Variants in DDX47 observed in about 807,000 individuals in gnomAD.
The protein encoded by DDX47 is DEAD-box helicase 47.
DDX47 carries 60 observed loss-of-function variants against 58.8 expected under a neutral mutation model. The observed-to-expected ratio is 1.02, with a 90% CI of 0.83 to 1.26. The LOEUF is 1.26. DDX47 is among the 50% of genes most tolerant of loss of function. DDX47 has a pLI of 0.00. For missense variants in DDX47, 530 were observed against 573.2 expected, an observed-to-expected ratio of 0.92 and a Z score of 0.77; for synonymous variants, 197 against 204.6, an observed-to-expected ratio of 0.96 and a Z score of 0.32.
At chr12:12,822,815 T>C in intron 6 of DDX47, 83 bp downstream of exon 6, 1 of 1,249,954 alleles carries the variant, frequency 8.0e-7, no homozygotes, top group South Asian at 1.2e-5. Context: ...GAAAAATAAA[T>C]TGCTTTAGTC....
chr12:12,816,239 A>G (rs570737387), intron 2 of DDX47, among the ~76,000 whole-genome samples: 58 of 152,304 alleles, frequency 3.8e-4, no homozygotes, highest in African/African-American at 1.3e-3. Flanking sequence ...TGCTCAGGGT[A>G]CGGTTTCAGT....
At chr12:12,817,176 G>A (rs1026966334) in intron 2 of DDX47, among the ~76,000 whole-genome samples, 3 of 152,126 alleles carry the variant, frequency 2.0e-5, no homozygotes, top group African/African-American at 4.8e-5. Context: ...GACTACTGAC[G>A]TTTTCAGTTT....
In DDX47 at chr12:12,823,270, C is replaced by G. The variant is rs1175554486; in HGVS notation, c.701C>G (p.Thr234Arg). The change falls in exon 7 of 12, where the codon ACA becomes AGA. Residue 234 changes from threonine (T) to arginine (R), a missense_variant. Coordinates refer to ENST00000358007, the MANE Select transcript of DDX47 (RefSeq NM_016355.4). ...TGTGCCGTTTCCTCTAAATACCAGA[C>G]AGTTGAAAAATTACAGCAATATTAT... ...VKCAVSSKYQ[T>R]VEKLQQYYIF... is the part of the protein sequence containing the mutation. 4.3e-6 allele frequency: 7 copies of G among 1,613,132 alleles called. No homozygotes were observed. Among genetic ancestry groups the G allele is most frequent in the Non-Finnish European group, 1.7e-6 (2 of 1,179,206 alleles).
chr12:12,828,643 T>C (rs990540758), intron 11 of DDX47, among the ~76,000 whole-genome samples: 1 of 152,184 alleles, frequency 6.6e-6, no homozygotes, highest in African/African-American at 2.4e-5. Flanking sequence ...ATTTGGTTTT[T>C]ATTCTGTCCA....
chr12:12,823,132 C>A, intron 6 of DDX47, 71 bp from the exon 7 acceptor site: 1 of 1,014,406 alleles, frequency 9.9e-7, no homozygotes, highest in Non-Finnish European at 1.6e-6. Context: ...GGTGAGGACA[C>A]AGAGCCAAAC....
intron 2 of DDX47, among the ~76,000 whole-genome samples, chr12:12,819,844 C>G (rs1862944235): frequency 1.3e-5 from 2 of 152,178 alleles, no homozygotes; most frequent in South Asian, 4.1e-4. Flanking sequence ...CATTCCTGTG[C>G]TCATTCCTGG....
Position 12,826,041 on chromosome 12 carries a change from C to T in DDX47, c.1077C>T (p.Arg359=). ...TAGGTCGAACAGCTAGAGCTGGGCG[C>T]TCCGGAAAGGCTATTACTTTTGTCA... is the stretch of plus-strand genomic sequence containing the variant. ...HRVGRTARAG[R]SGKAITFVTQ... Residue 359 remains arginine, a synonymous_variant, in exon 10 of 12, where the codon CGC becomes CGT. Transcript: ENST00000358007. The T allele has an allele frequency of 6.2e-7, 1 of 1,613,774 alleles. No individual in the cohort carries two copies. Among genetic ancestry groups the T allele is most frequent in the Non-Finnish European group, 8.5e-7 (1 of 1,179,846 alleles).
chr12:12,814,824 C>T (rs1164937089), intron 2 of DDX47, among the ~76,000 whole-genome samples: 7 of 152,066 alleles, frequency 4.6e-5, no homozygotes, highest in Admixed American at 2.0e-4. Context: ...GGATTACAGG[C>T]GCATCACCAT....
At chr12:12,822,559 A>T (rs1424963971) in intron 5 of DDX47, 102 bp from the exon 6 acceptor site, 2 of 895,830 alleles carry the variant, frequency 2.2e-6, no homozygotes, top group Non-Finnish European at 3.6e-6. Flanking sequence ...CTTCACAGTG[A>T]TATATTTAGT....
At chr12:12,827,868 TC>T (rs374201257) in intron 11 of DDX47, among the ~76,000 whole-genome samples, 3 of 128,574 alleles carry the variant, frequency 2.3e-5, no homozygotes, top group Admixed American at 9.1e-5. Context: ...CCAAAACTTT[TC>T]TTTTTTCTTT....
intron 2 of DDX47, among the ~76,000 whole-genome samples, chr12:12,818,372 T>C (rs371660449): frequency 3.3e-5 from 5 of 151,930 alleles, no homozygotes; most frequent in African/African-American, 1.2e-4. Flanking sequence ...ATACAAAAAA[T>C]TAGCAGGGCG....
At chr12:12,823,394 T>C in intron 7 of DDX47, 75 bp downstream of exon 7, 1 of 926,206 alleles carries the variant, frequency 1.1e-6, no homozygotes, top group Non-Finnish European at 1.8e-6. Context: ...TGTCAACTCT[T>C]GATTAGGTAA....
chr12:12,818,212 C>T (rs1320512497), intron 2 of DDX47, among the ~76,000 whole-genome samples: 1 of 152,126 alleles, frequency 6.6e-6, no homozygotes, highest in Non-Finnish European at 1.5e-5. Context: ...TGTCATTTGT[C>T]TGTAATCTTT....
rs752928514 is a variant in DDX47 at position 12,822,648 on chromosome 12, CTT to C, written c.562-11_562-10del. On this transcript the variant is annotated splice_polypyrimidine_tract_variant and intron_variant, in intron 5 of 11. Transcript: ENST00000358007. ...GAATATCATATTGGCATCTTTTCCTCTTTGTGCTTTAGGTTGACAAGATCCTC... is the reference window on the plus strand; with the variant it reads ...GAATATCATATTGGCATCTTTTCCTCTGTGCTTTAGGTTGACAAGATCCTC... 5 of 1,612,514 alleles carry C rather than the reference CTT, an allele frequency of 3.1e-6. No homozygotes were observed. The East Asian group carries it at 8.9e-5, about 29-fold the overall frequency.
In DDX47 at chr12:12,822,727, A is replaced by G. The variant is rs145316378; in HGVS notation, c.628A>G (p.Lys210Glu). ...KTFLFSATMTKKVQKLQRAAL... is the reference protein window; with the variant it reads ...KTFLFSATMTEKVQKLQRAAL... Reference sequence around the variant, plus strand: ...ATTCCTCTTCTCTGCCACCATGACCAAGAAGGTGAAATTTGCTAGGACTTT... The same window carrying G: ...ATTCCTCTTCTCTGCCACCATGACCGAGAAGGTGAAATTTGCTAGGACTTT... Residue 210 changes from lysine to glutamate, a missense_variant, in exon 6 of 12, where the codon AAG (lysine) becomes GAG (glutamate). By Grantham distance (56) the Lys-to-Glu change is moderately conservative. Transcript: ENST00000358007. 1.2e-6 allele frequency: 2 copies of G among 1,613,358 alleles called. No homozygotes were observed. The highest frequency in any genetic ancestry group is 4.5e-5 in the East Asian group (2 of 44,862).
At chr12:12,819,615 A>G (rs932746584) in intron 2 of DDX47, among the ~76,000 whole-genome samples, 2 of 152,162 alleles carry the variant, frequency 1.3e-5, no homozygotes, top group African/African-American at 4.8e-5. Flanking sequence ...GTTTTTAGAC[A>G]TATCTCTAAA....
intron 1 of DDX47, 32 bp from the exon 2 acceptor site, chr12:12,814,099 C>A: frequency 1.4e-6 from 2 of 1,449,482 alleles, no homozygotes; most frequent in South Asian, 1.1e-5. Flanking sequence ...GTGTGCTGTT[C>A]TTGGCTAAGG....
chr12:12,825,574 A>G (rs954887737), intron 9 of DDX47, among the ~76,000 whole-genome samples: 1 of 151,888 alleles, frequency 6.6e-6, no homozygotes, highest in African/African-American at 2.4e-5. Context: ...TTTCATAACA[A>G]CTCTGTAATA....
chr12:12,821,888 T>C (rs1210467975), intron 4 of DDX47, 77 bp from the exon 5 acceptor site: 1 of 1,212,550 alleles, frequency 8.2e-7, no homozygotes, highest in East Asian at 2.3e-5. Flanking sequence ...GGCAGATAAC[T>C]TTATTTGTTT....
Sources: gnomAD v4.1 joint callset for allele counts (sites outside exome capture counted in the v4.1 genomes callset) on GRCh38, gnomAD v4.1.1 for gene constraint, MANE v1.5 for transcripts, NCBI Gene and HGNC (gene_info 2026-07-23, HGNC 2026-07-21) for gene names.